Variants in MMS22L observed in about 807,000 individuals in gnomAD.
The protein encoded by MMS22L is MMS22 like, DNA repair protein, also known as protein MMS22-like.
MMS22L carries 74 observed loss-of-function variants against 159.1 expected under a neutral mutation model. That is an observed-to-expected ratio of 0.47 (90% CI 0.39 to 0.56). MMS22L has a LOEUF of 0.56. MMS22L is among the 20% of genes least tolerant of loss of function. MMS22L has a pLI of 0.00. For synonymous variants in MMS22L, 517 were observed against 506.9 expected, an observed-to-expected ratio of 1.02 and a Z score of -0.27; for missense variants, 1,351 against 1,422.1, an observed-to-expected ratio of 0.95 and a Z score of 0.80.
At chr6:97,229,525 T>C (rs191222571) in intron 13 of MMS22L, 122 bp from the exon 14 acceptor site, 2 of 705,634 alleles carry the variant, frequency 2.8e-6, no homozygotes, top group Admixed American at 6.6e-5. Flanking sequence ...AATTCTTTAT[T>C]TTGATGCTGC....
chr6:97,148,599 A>C (rs916950882), intron 24 of MMS22L, among the ~76,000 whole-genome samples: 4 of 152,094 alleles, frequency 2.6e-5, no homozygotes, highest in African/African-American at 9.7e-5. Context: ...AATAGAAAAA[A>C]GCTTATTCAA....
chr6:97,161,056 G>C (rs773576560), intron 22 of MMS22L, among the ~76,000 whole-genome samples: 6 of 151,980 alleles, frequency 3.9e-5, no homozygotes, highest in Non-Finnish European at 5.9e-5. Context: ...ATATCTGACT[G>C]CTCTCACTGG....
chr6:97,278,098 C>T (rs1816416222), intron 4 of MMS22L, among the ~76,000 whole-genome samples: 1 of 152,150 alleles, frequency 6.6e-6, no homozygotes, highest in Non-Finnish European at 1.5e-5. Flanking sequence ...ACACACTGCC[C>T]TTCAATTCCC....
chr6:97,230,848 A>G (rs2127999323), intron 13 of MMS22L: 1 of 152,824 alleles, frequency 6.5e-6, no homozygotes, highest in South Asian at 2.1e-4. Flanking sequence ...GAATTTCATT[A>G]AGTGATTCTT....
At position 97,282,413 on chromosome 6, in the gene MMS22L, T is replaced by C. The variant is rs995994256; in HGVS notation, c.65A>G (p.Glu22Gly). The change falls in exon 2 of 25, where the codon GAA becomes GGA. Residue 22 changes from glutamate (E) to glycine (G), a missense_variant. Transcript: ENST00000683635. ...TDSLELELGTEWCKPPYFSCA... is the reference protein window; with the variant it reads ...TDSLELELGTGWCKPPYFSCA... ...AGAAAAGTAAGGAGGTTTGCACCAT[T>C]CCGTCCCCAGCTCCAGCTCTAAGCT... 1.9e-6 allele frequency: 3 copies of C among 1,614,010 alleles called. No homozygotes were observed. In the African/African-American group the frequency reaches 4.0e-5, roughly 22 times the overall value.
chr6:97,210,769 G>T (rs1217507217), intron 14 of MMS22L, among the ~76,000 whole-genome samples: 1 of 151,872 alleles, frequency 6.6e-6, no homozygotes, highest in African/African-American at 2.4e-5. Flanking sequence ...GGGATATTTT[G>T]GTTACACGTT....
At chr6:97,245,649 A>C (rs1473089250) in intron 11 of MMS22L, among the ~76,000 whole-genome samples, 3 of 152,288 alleles carry the variant, frequency 2.0e-5, no homozygotes, top group African/African-American at 7.2e-5. Context: ...AGATTATAAA[A>C]AGATAATAGA....
chr6:97,254,482 C>T, intron 10 of MMS22L, 75 bp downstream of exon 10: 1 of 1,230,498 alleles, frequency 8.1e-7, no homozygotes, highest in Non-Finnish European at 1.1e-6. Context: ...TTTCTGCTCA[C>T]TTATTTTCTA....
intron 14 of MMS22L, among the ~76,000 whole-genome samples, chr6:97,228,223 T>G (rs1810457791): frequency 6.6e-6 from 1 of 152,126 alleles, no homozygotes; most frequent in Non-Finnish European, 1.5e-5. Flanking sequence ...AATAATACAC[T>G]TTTCTGAGAG....
chr6:97,243,389 A>C (rs1812288146), intron 11 of MMS22L, among the ~76,000 whole-genome samples: 1 of 151,808 alleles, frequency 6.6e-6, no homozygotes, highest in African/African-American at 2.4e-5. Context: ...TTCTCAGTGC[A>C]TTTTGCATTT....
At chr6:97,184,855 C>T (rs1345501981) in intron 15 of MMS22L, among the ~76,000 whole-genome samples, 1 of 152,148 alleles carries the variant, frequency 6.6e-6, no homozygotes, top group Non-Finnish European at 1.5e-5. Flanking sequence ...CAAAACTTTT[C>T]AACAGCTTCC....
chr6:97,281,647 T>C (rs1816764798), intron 2 of MMS22L, among the ~76,000 whole-genome samples: 1 of 152,224 alleles, frequency 6.6e-6, no homozygotes, highest in Non-Finnish European at 1.5e-5. Flanking sequence ...TAGTCTTCAG[T>C]TGTAGAATTT....
At chr6:97,198,755 A>G (rs1427396635) in intron 14 of MMS22L, among the ~76,000 whole-genome samples, 1 of 152,134 alleles carries the variant, frequency 6.6e-6, no homozygotes, top group Admixed American at 6.5e-5. Flanking sequence ...AATCTAAGAA[A>G]TTCTGGACTG....
chr6:97,274,279 G>T (rs984942012), intron 4 of MMS22L, among the ~76,000 whole-genome samples: 1 of 152,124 alleles, frequency 6.6e-6, no homozygotes, highest in African/African-American at 2.4e-5. Context: ...GCATAAGTGT[G>T]AAGCAGTTGT....
intron 7 of MMS22L, among the ~76,000 whole-genome samples, chr6:97,269,286 G>A (rs1317923138): frequency 6.6e-6 from 1 of 152,020 alleles, no homozygotes; most frequent in Non-Finnish European, 1.5e-5. Flanking sequence ...AGAGTATGAA[G>A]TAAAGGCACA....
chr6:97,193,798 T>C lies in MMS22L; in HGVS notation c.2040-7108A>G, dbSNP rs181109500. Among the ~76,000 whole-genome samples, 77 of 152,310 alleles carry C rather than the reference T, an allele frequency of 5.1e-4. No homozygotes were observed. The East Asian group carries it at 0.013, about 26-fold the overall frequency. ...TTTTTTGAGACGGAGTCTCGCTCTG[T>C]CACCCAGGCTGGAGTGCAGTGGCAA... On this transcript the variant is annotated intron_variant, in intron 14 of 24. Transcript: ENST00000683635.
chr6:97,215,358 G>A (rs532802527), intron 14 of MMS22L, among the ~76,000 whole-genome samples: 1 of 152,238 alleles, frequency 6.6e-6, no homozygotes, highest in East Asian at 1.9e-4. Flanking sequence ...TCCAGCCAAA[G>A]CTGATAAGTA....
At position 97,164,447 on chromosome 6, in the gene MMS22L, C is replaced by A. The variant is rs544549708; in HGVS notation, c.3221+799G>T. Among the ~76,000 whole-genome samples, 5 of 151,812 alleles carry A rather than the reference C, an allele frequency of 3.3e-5. No individual in the cohort carries two copies. In the East Asian group the frequency reaches 7.7e-4, roughly 24 times the overall value. On this transcript the variant is annotated intron_variant, in intron 21 of 24. Transcript: ENST00000683635. Reference sequence around the variant, plus strand: ...TGACAAAACATTTTTTATTACTGAACTTTCTAATGTTAAAGTTAAAGGATA... The same window carrying A: ...TGACAAAACATTTTTTATTACTGAAATTTCTAATGTTAAAGTTAAAGGATA...
intron 7 of MMS22L, among the ~76,000 whole-genome samples, chr6:97,268,617 C>T (rs905336807): frequency 6.6e-6 from 1 of 152,002 alleles, no homozygotes; most frequent in Non-Finnish European, 1.5e-5. Context: ...TCTTCATCCA[C>T]ATTTCTAACC....
Sources: allele counts gnomAD v4.1 joint callset (sites outside exome capture counted in the v4.1 genomes callset), GRCh38; gene constraint gnomAD v4.1.1; transcripts MANE v1.5; gene names NCBI Gene and HGNC (gene_info 2026-07-23, HGNC 2026-07-21).